RBFOX1: variants seen among roughly 807,000 people sequenced by gnomAD.
RBFOX1 encodes RNA binding protein fox-1 homolog 1.
In RBFOX1, 8 loss-of-function variants were observed where a neutral mutation model predicts 57.7. The observed-to-expected ratio is 0.14, with a 90% CI of 0.08 to 0.25. The LOEUF is 0.25. Ranked by LOEUF, RBFOX1 falls within the 10% of genes least tolerant of loss-of-function variation. The pLI is 1.00. For missense variants in RBFOX1, 611 were observed against 548.5 expected, an observed-to-expected ratio of 1.11 and a Z score of -1.14; for synonymous variants, 326 against 222.4, an observed-to-expected ratio of 1.47 and a Z score of -4.15.
intron 1 of RBFOX1, among the ~76,000 whole-genome samples, chr16:5,432,514 T>C (rs2067773277): frequency 6.6e-6 from 1 of 151,364 alleles, no homozygotes; most frequent in African/African-American, 2.4e-5. Context: ...TCCCAATTTA[T>C]CGTCTTACCT....
At chr16:5,303,212 T>A (rs1236184625) in intron 1 of RBFOX1, among the ~76,000 whole-genome samples, 2 of 152,186 alleles carry the variant, frequency 1.3e-5, no homozygotes, top group Non-Finnish European at 2.9e-5. Flanking sequence ...TCACTGGTTT[T>A]ATTAATATTA....
At chr16:5,948,505 A>G (rs556224156) in intron 4 of RBFOX1, among the ~76,000 whole-genome samples, 4 of 152,172 alleles carry the variant, frequency 2.6e-5, no homozygotes, top group Admixed American at 6.5e-5. Context: ...ATTAGTTAAG[A>G]TGAGGTCATG....
At chr16:5,649,371 T>G (rs956514840) in intron 3 of RBFOX1, among the ~76,000 whole-genome samples, 6 of 152,116 alleles carry the variant, frequency 3.9e-5, no homozygotes, top group African/African-American at 1.4e-4. Context: ...GGTTTCGCCA[T>G]GTTGGCCAGG....
In RBFOX1 at chr16:6,668,117, C is replaced by G. The variant is rs565334110; in HGVS notation, c.-16+13467C>G. On this transcript the variant is annotated intron_variant, in intron 3 of 15. Coordinates refer to ENST00000550418, the MANE Select transcript of RBFOX1 (RefSeq NM_018723.4). ...TAGAGTTTTGTGTATCCTGTAGCTA[C>G]TTCTCAATCTGACTGAAAGAGTATA... 2.6e-5 allele frequency among the ~76,000 whole-genome samples: 4 copies of G among 152,252 alleles called. No individual in the cohort carries two copies. In the East Asian group the frequency reaches 7.7e-4, roughly 29 times the overall value.
intron 2 of RBFOX1, among the ~76,000 whole-genome samples, chr16:6,328,145 C>G (rs1599680011): frequency 6.6e-6 from 1 of 152,128 alleles, no homozygotes. Context: ...TTTTCAGCAA[C>G]CTGGACGGGA....
intron 2 of RBFOX1, among the ~76,000 whole-genome samples, chr16:6,351,749 A>G (rs1210825719): frequency 6.6e-6 from 1 of 152,168 alleles, no homozygotes; most frequent in Non-Finnish European, 1.5e-5. Context: ...TATATGTTTG[A>G]ATTGTATTCT....
chr16:6,626,585 C>A (rs565108566), intron 2 of RBFOX1, among the ~76,000 whole-genome samples: 42 of 152,206 alleles, frequency 2.8e-4, no homozygotes, highest in Admixed American at 1.4e-3. Context: ...CATGGTGAAA[C>A]CCTGTCTCTA....
chr16:5,735,576 G>GT (rs2052541404), intron 3 of RBFOX1, among the ~76,000 whole-genome samples: 2 of 152,128 alleles, frequency 1.3e-5, no homozygotes, highest in Admixed American at 1.3e-4. Context: ...TAATAGAGTA[G>GT]AAGAGGACTT....
In RBFOX1 at chr16:7,508,659, C is replaced by A. The variant is rs1285420612; in HGVS notation, c.28-9488C>A. On this transcript the variant is annotated intron_variant, in intron 4 of 15. Transcript: ENST00000550418. Reference sequence around the variant, plus strand: ...CACAAATACTATGTATCCAGATTTTCTTTCCAACCTTGTAGAGCTGGGAAT... The same window carrying A: ...CACAAATACTATGTATCCAGATTTTATTTCCAACCTTGTAGAGCTGGGAAT... Among the ~76,000 whole-genome samples the A allele has an allele frequency of 5.3e-5, 8 of 152,282 alleles. 1 individual carries two copies. In the South Asian group the frequency reaches 1.7e-3, roughly 32 times the overall value.
At chr16:6,697,330 G>T (rs1235960196) in intron 3 of RBFOX1, among the ~76,000 whole-genome samples, 1 of 152,088 alleles carries the variant, frequency 6.6e-6, no homozygotes, top group African/African-American at 2.4e-5. Flanking sequence ...CTTGCCAGAG[G>T]AAGTCATATT....
chr16:6,025,825 C>T (rs1275214033), intron 1 of RBFOX1, among the ~76,000 whole-genome samples: 1 of 152,190 alleles, frequency 6.6e-6, no homozygotes, highest in Non-Finnish European at 1.5e-5. Context: ...GACACCTGGA[C>T]AATTCAGTTT....
chr16:7,261,469 G>T (rs913806692), intron 4 of RBFOX1, among the ~76,000 whole-genome samples: 1 of 152,134 alleles, frequency 6.6e-6, no homozygotes, highest in African/African-American at 2.4e-5. Context: ...GTAAGTGAGT[G>T]TATGAGTCCC....
intron 14 of RBFOX1, among the ~76,000 whole-genome samples, chr16:7,682,710 A>T (rs2075079999): frequency 6.6e-6 from 1 of 151,614 alleles, no homozygotes; most frequent in Non-Finnish European, 1.5e-5. Context: ...GTGTCTAGAA[A>T]AGCACGTCCA....
At chr16:6,017,359 C>T (rs1240873080), upstream of RBFOX1, among the ~76,000 whole-genome samples, 3 of 152,176 alleles carry the variant, frequency 2.0e-5, no homozygotes, top group Non-Finnish European at 4.4e-5. Flanking sequence ...GAGAATACCT[C>T]TTTTACAACC....
At chr16:6,233,398 G>A (rs1391929540) in intron 1 of RBFOX1, among the ~76,000 whole-genome samples, 4 of 151,882 alleles carry the variant, frequency 2.6e-5, no homozygotes, top group Non-Finnish European at 4.4e-5. Flanking sequence ...GGGATCTGAC[G>A]AACCCCTGCA....
intron 3 of RBFOX1, among the ~76,000 whole-genome samples, chr16:6,864,251 C>T (rs112969007): frequency 2.0e-5 from 3 of 152,130 alleles, no homozygotes; most frequent in Non-Finnish European, 4.4e-5. Context: ...AAGCATAACT[C>T]TTCCACATTT....
At chr16:5,899,215 G>A (rs1298407304) in intron 4 of RBFOX1, among the ~76,000 whole-genome samples, 2 of 150,850 alleles carry the variant, frequency 1.3e-5, no homozygotes, top group East Asian at 1.9e-4. Context: ...CTCTTCAGGT[G>A]TTGATATATA....
intron 4 of RBFOX1, among the ~76,000 whole-genome samples, chr16:7,111,799 T>C (rs1345511719): frequency 3.4e-4 from 52 of 151,998 alleles, no homozygotes; most frequent in Admixed American, 3.4e-3. Flanking sequence ...TCTATTTGAT[T>C]TTTTTTCCCC....
rs547483823 is a variant in RBFOX1, at chr16:6,798,930, C to G, written c.-16+144280C>G. On this transcript the variant is annotated intron_variant, in intron 3 of 15. Coordinates refer to ENST00000550418, the MANE Select transcript of RBFOX1 (RefSeq NM_018723.4). ...AAAAATGAATTCTTGTTTTTAATAT[C>G]TCAAGTTTCTCTTCAAATGGCTACT... Among the ~76,000 whole-genome samples the G allele has an allele frequency of 2.6e-5, 4 of 152,210 alleles. No individual in the cohort carries two copies. In the East Asian group the frequency reaches 5.8e-4, roughly 22 times the overall value.
Sources: gnomAD v4.1 joint callset for allele counts (sites outside exome capture counted in the v4.1 genomes callset) on GRCh38, gnomAD v4.1.1 for gene constraint, MANE v1.5 for transcripts, NCBI Gene and HGNC (gene_info 2026-07-23, HGNC 2026-07-21) for gene names.